SLC17A3: variants seen among roughly 807,000 people sequenced by gnomAD.
SLC17A3 encodes sodium-dependent phosphate transport protein 4.
In SLC17A3, 61 loss-of-function variants were observed where a neutral mutation model predicts 60.3. The ratio of observed to expected loss-of-function variants is 1.01; its 90% CI spans 0.82 to 1.25. SLC17A3 has a LOEUF of 1.25. SLC17A3 is among the 50% of genes most tolerant of loss of function. SLC17A3 has a pLI of 0.00. For missense variants in SLC17A3, 624 were observed against 594.9 expected, an observed-to-expected ratio of 1.05 and a Z score of -0.51; for synonymous variants, 192 against 208.9, an observed-to-expected ratio of 0.92 and a Z score of 0.70.
chr6:25,851,022 A>G, intron 6 of SLC17A3, 145 bp from the exon 7 acceptor site: 2 of 718,452 alleles, frequency 2.8e-6, no homozygotes, highest in Non-Finnish European at 5.0e-6. Flanking sequence ...CAATTCACCC[A>G]TTTTACATTT....
intron 10 of SLC17A3, 65 bp downstream of exon 10, chr6:25,849,740 C>T (rs561099925): frequency 6.4e-7 from 1 of 1,571,150 alleles, no homozygotes; most frequent in East Asian, 2.2e-5. Context: ...TTGGGGATCC[C>T]AGAAAGCTGA....
intron 11 of SLC17A3, among the ~76,000 whole-genome samples, chr6:25,847,444 C>T (rs1393725278): frequency 1.3e-5 from 2 of 152,070 alleles, no homozygotes; most frequent in Non-Finnish European, 2.9e-5. Flanking sequence ...GGAATTGCTG[C>T]GTAGAATGGA....
At chr6:25,849,722 T>C in intron 10 of SLC17A3, 83 bp downstream of exon 10, 1 of 1,490,594 alleles carries the variant, frequency 6.7e-7, no homozygotes, top group Non-Finnish European at 9.3e-7. Context: ...TTTATTCATT[T>C]CCTAAGTTTG....
chr6:25,854,978 A>G (rs955774390), intron 6 of SLC17A3, among the ~76,000 whole-genome samples, 166 bp downstream of exon 6: 2 of 152,210 alleles, frequency 1.3e-5, no homozygotes, highest in African/African-American at 2.4e-5. Flanking sequence ...AGAACTTCCA[A>G]ATTTTTTTAT....
intron 11 of SLC17A3, among the ~76,000 whole-genome samples, chr6:25,846,530 C>T (rs189804837): frequency 2.3e-4 from 35 of 152,250 alleles, no homozygotes; most frequent in African/African-American, 7.9e-4. Context: ...AAACAGAAGT[C>T]AAGGTAATAG....
chr6:25,852,091 C>T (rs1765287477), intron 6 of SLC17A3, among the ~76,000 whole-genome samples: 1 of 151,512 alleles, frequency 6.6e-6, no homozygotes, highest in Non-Finnish European at 1.5e-5. Flanking sequence ...GTCTAGAATT[C>T]CAGGTTGACA....
At chr6:25,857,847 C>T (rs899236777) in intron 5 of SLC17A3, among the ~76,000 whole-genome samples, 17 of 152,160 alleles carry the variant, frequency 1.1e-4, no homozygotes, top group Non-Finnish European at 2.4e-4. Flanking sequence ...CAGGTTCCTG[C>T]ATTGCATCCA....
At chr6:25,864,367 G>C (rs1412203332) in intron 2 of SLC17A3, among the ~76,000 whole-genome samples, 1 of 151,950 alleles carries the variant, frequency 6.6e-6, no homozygotes, top group Admixed American at 6.6e-5. Flanking sequence ...TTTGGCTGCA[G>C]AAATGAGAAC....
intron 2 of SLC17A3, among the ~76,000 whole-genome samples, chr6:25,866,538 G>T (rs958840585): frequency 2.6e-5 from 4 of 151,948 alleles, no homozygotes; most frequent in Admixed American, 2.6e-4. Context: ...ATAAATGTAT[G>T]TTGTTTCAGA....
intron 6 of SLC17A3, among the ~76,000 whole-genome samples, chr6:25,853,847 T>A (rs1412923298): frequency 1.3e-5 from 2 of 152,198 alleles, no homozygotes; most frequent in African/African-American, 2.4e-5. Context: ...ATATAAGCAT[T>A]TAATGTTAAA....
intron 5 of SLC17A3, among the ~76,000 whole-genome samples, chr6:25,856,221 CTTG>C (rs1400308702): frequency 1.3e-5 from 2 of 151,504 alleles, no homozygotes; most frequent in African/African-American, 4.8e-5. Flanking sequence ...AAGGTTTTTT[CTTG>C]TTGTTGTTTC....
intron 6 of SLC17A3, among the ~76,000 whole-genome samples, chr6:25,851,786 A>G (rs938212768): frequency 1.3e-5 from 2 of 152,102 alleles, no homozygotes; most frequent in Non-Finnish European, 2.9e-5. Context: ...ACTCTGTCTT[A>G]AAGACTATAA....
rs1361007790 is a variant in SLC17A3 at position 25,850,807 on chromosome 6, C to T, written c.783G>A (p.Trp261Ter). Residue 261 changes from tryptophan to a stop codon, truncating the protein, a stop_gained, in exon 7 of 13, where the codon TGG becomes TGA. Coordinates refer to ENST00000397060, the MANE Select transcript of SLC17A3 (RefSeq NM_001098486.2). LOFTEE classifies it high-confidence loss of function. ...TGTATTCTTTTTCTGAGGTGCTTAT[C>T]CATGGATAGGAAACGGGGTCATCAT... ...VIYDDPVSYP[W>*]ISTSEKEYII... 8.7e-6 allele frequency: 14 copies of T among 1,614,032 alleles called. No homozygotes were observed. Among genetic ancestry groups the T allele is most frequent in the Non-Finnish European group, 1.2e-5 (14 of 1,179,944 alleles).
chr6:25,850,887 C>A lies in SLC17A3; in HGVS notation c.713-10G>T. 1 of 1,609,816 alleles carries A rather than the reference C, an allele frequency of 6.2e-7. No homozygotes were observed. Among genetic ancestry groups the A allele is most frequent in the Non-Finnish European group, 8.5e-7 (1 of 1,176,088 alleles). The stretch of plus-strand genomic sequence containing the variant: ...ACACAGCCAACACCTCCTGTAAGCA[C>A]AGGGTAAATTTGGTAAATGGGCTGT... On this transcript the variant is annotated splice_polypyrimidine_tract_variant and intron_variant, in intron 6 of 12. Coordinates refer to ENST00000397060, the MANE Select transcript of SLC17A3 (RefSeq NM_001098486.2).
rs770439480 is a variant in SLC17A3, at chr6:25,850,149, A to G, written c.1022T>C (p.Ile341Thr). The change falls in exon 9 of 13, where the codon ATT becomes ACT. Residue 341 changes from isoleucine (I) to threonine (T), a missense_variant. By Grantham distance (89) the Ile-to-Thr change is moderately conservative. Transcript: ENST00000397060. ...CACCATGCCTATGACCCAGGCAACA[A>G]TAAAAGGAAGGGCAGATAGAAGTCC... ...DNGLLSALPF[I>T]VAWVIGMVGG... The G allele has an allele frequency of 6.2e-7, 1 of 1,613,804 alleles. No homozygotes were observed. Among genetic ancestry groups the G allele is most frequent in the Non-Finnish European group, 8.5e-7 (1 of 1,179,708 alleles).
chr6:25,852,372 G>A (rs1014759669), intron 6 of SLC17A3, among the ~76,000 whole-genome samples: 2 of 151,996 alleles, frequency 1.3e-5, no homozygotes, highest in Non-Finnish European at 2.9e-5. Flanking sequence ...TTGGATCTGT[G>A]AATTTATAGT....
In SLC17A3 at chr6:25,845,298, A is replaced by G; in HGVS notation, c.*3T>C. 6.5e-7 allele frequency: 1 copy of G among 1,541,010 alleles called. No homozygotes were observed. ...TGACTTTTCCATCCAAGGTGGGATA[A>G]CTAAGAAAGGAAAATGATATAGAAT... On this transcript the variant is annotated splice_region_variant and 3_prime_UTR_variant, in exon 13 of 13. Coordinates refer to ENST00000397060, the MANE Select transcript of SLC17A3 (RefSeq NM_001098486.2).
chr6:25,873,339 C>T (rs1299022532), intron 1 of SLC17A3, among the ~76,000 whole-genome samples: 2 of 152,062 alleles, frequency 1.3e-5, no homozygotes, highest in Non-Finnish European at 2.9e-5. Flanking sequence ...CTATATATTG[C>T]ACTCTGAGAA....
At chr6:25,873,750 A>G (rs1765682332) in intron 1 of SLC17A3, among the ~76,000 whole-genome samples, 1 of 152,098 alleles carries the variant, frequency 6.6e-6, no homozygotes, top group Non-Finnish European at 1.5e-5. Context: ...CACTCTTATA[A>G]ATTACTGCAC....
Sources: gnomAD v4.1 joint callset for allele counts (sites outside exome capture counted in the v4.1 genomes callset) on GRCh38, gnomAD v4.1.1 for gene constraint, MANE v1.5 for transcripts, NCBI Gene and HGNC (gene_info 2026-07-23, HGNC 2026-07-21) for gene names.